The following SPIN1 variants were observed in gnomAD, a reference collection of about 807,000 sequenced individuals.
SPIN1 encodes spindlin-1.
A neutral mutation model predicts 26.0 loss-of-function variants in SPIN1; 3 were observed. The ratio of observed to expected loss-of-function variants is 0.12; its 90% confidence interval spans 0.05 to 0.30. The LOEUF (loss-of-function observed/expected upper bound fraction) is 0.30. Ranked by LOEUF, SPIN1 falls within the 10% of genes least tolerant of loss-of-function variation. SPIN1 has a pLI of 1.00. For synonymous variants in SPIN1, 101 were observed against 116.5 expected, an observed-to-expected ratio of 0.87 and a Z score of 0.86; for missense variants, 126 against 333.4, an observed-to-expected ratio of 0.38 and a Z score of 4.84.
intron 1 of SPIN1, among the ~76,000 whole-genome samples, chr9:88,424,549 G>GA (rs1827730906): frequency 6.6e-6 from 1 of 152,150 alleles, no homozygotes. Context: ...AATAATAAGG[G>GA]AAGTTAGTCC....
intron 2 of SPIN1, among the ~76,000 whole-genome samples, chr9:88,442,022 G>T (rs1828144688): frequency 6.7e-6 from 1 of 148,640 alleles, no homozygotes; most frequent in Non-Finnish European, 1.5e-5. Flanking sequence ...TGTGATGTCG[G>T]CTCACTGCAA....
chr9:88,399,674 G>T (rs942066724), intron 1 of SPIN1, among the ~76,000 whole-genome samples: 9 of 152,160 alleles, frequency 5.9e-5, no homozygotes, highest in Non-Finnish European at 1.3e-4. Flanking sequence ...GTGTGTGCAA[G>T]CTGCAGGGTG....
chr9:88,463,788 G>A (rs940264391), intron 4 of SPIN1, among the ~76,000 whole-genome samples: 49 of 152,074 alleles, frequency 3.2e-4, no homozygotes, highest in African/African-American at 1.2e-3. Flanking sequence ...GTAATATTAA[G>A]TCTTTGTTAT....
At chr9:88,445,688 G>T (rs1447149415) in intron 2 of SPIN1, among the ~76,000 whole-genome samples, 1 of 151,370 alleles carries the variant, frequency 6.6e-6, no homozygotes, top group Non-Finnish European at 1.5e-5. Flanking sequence ...CCACCACTAT[G>T]CCCAGCTTTT....
chr9:88,478,398 G>T lies in SPIN1; in HGVS notation c.*3121G>T, dbSNP rs1171233030. The T allele has an allele frequency of 6.6e-6, 1 of 152,626 alleles. No individual in the cohort carries two copies. The highest frequency in any genetic ancestry group is 2.4e-5 in the African/African-American group (1 of 41,456). 9.5% of individuals were successfully genotyped at this position (152,626 alleles called of 1,614,324 possible). ...AATAATTATGGTTGAAATGTCTGTG[G>T]TTCCTTGGAAATGCTGCGCTCTTTG... On this transcript the variant is annotated 3_prime_UTR_variant, in exon 6 of 6. Transcript: ENST00000375859.
chr9:88,444,076 C>T (rs1318693597), intron 2 of SPIN1, among the ~76,000 whole-genome samples: 1 of 151,952 alleles, frequency 6.6e-6, no homozygotes, highest in African/African-American at 2.4e-5. Context: ...GTCTTGTGAC[C>T]TCAATTCTCT....
chr9:88,419,500 C>G (rs1284091621), intron 1 of SPIN1, among the ~76,000 whole-genome samples: 1 of 151,994 alleles, frequency 6.6e-6, no homozygotes, highest in Admixed American at 6.6e-5. Context: ...AGTAAATTGC[C>G]TTGCTGAGAA....
At chr9:88,448,580 C>T (rs542177334) in intron 2 of SPIN1, among the ~76,000 whole-genome samples, 1 of 152,232 alleles carries the variant, frequency 6.6e-6, no homozygotes, top group Non-Finnish European at 1.5e-5. Flanking sequence ...AACTCCTGGC[C>T]TCAGCCACCC....
chr9:88,398,458 C>T (rs1235770840), intron 1 of SPIN1, among the ~76,000 whole-genome samples: 1 of 152,082 alleles, frequency 6.6e-6, no homozygotes, highest in Non-Finnish European at 1.5e-5. Context: ...AGGGCTCAAG[C>T]TACCCTGTGC....
rs527738660 is a variant in SPIN1 at position 88,444,740 on chromosome 9, G to T, written c.53-4201G>T. Among the ~76,000 whole-genome samples, 39 of 146,650 alleles carry T rather than the reference G, an allele frequency of 2.7e-4. No individual in the cohort carries two copies. The South Asian group carries it at 7.1e-3, about 27-fold the overall frequency. On this transcript the variant is annotated intron_variant, in intron 2 of 5. Transcript: ENST00000375859. ...GAGTCTTGCTCTGTCGCCCAGGCTG[G>T]AGTGCAGTGGCATGATCTTGGCTCA...
At chr9:88,397,957 A>G (rs1827101521) in intron 1 of SPIN1, among the ~76,000 whole-genome samples, 1 of 151,022 alleles carries the variant, frequency 6.6e-6, no homozygotes, top group South Asian at 2.1e-4. Context: ...GTCTCACTCC[A>G]GTTGCCTAGG....
intron 3 of SPIN1, among the ~76,000 whole-genome samples, chr9:88,453,478 A>G (rs566985486): frequency 5.3e-5 from 8 of 151,570 alleles, no homozygotes; most frequent in African/African-American, 1.9e-4. Context: ...TCTTCAGAGG[A>G]TTCACATGCA....
chr9:88,398,055 T>C (rs1827104802), intron 1 of SPIN1, among the ~76,000 whole-genome samples: 1 of 151,834 alleles, frequency 6.6e-6, no homozygotes, highest in Non-Finnish European at 1.5e-5. Flanking sequence ...CCCGCGTAGC[T>C]GAGACTACAG....
intron 1 of SPIN1, among the ~76,000 whole-genome samples, chr9:88,409,215 G>C (rs1827385260): frequency 7.0e-6 from 1 of 143,494 alleles, no homozygotes; most frequent in Non-Finnish European, 1.5e-5. Flanking sequence ...GGCTGGTCTC[G>C]AACTCCTGAC....
At chr9:88,397,653 G>C (rs1827096226) in intron 1 of SPIN1, among the ~76,000 whole-genome samples, 2 of 149,752 alleles carry the variant, frequency 1.3e-5, no homozygotes, top group South Asian at 2.1e-4. Context: ...CCCCAGTCTT[G>C]CTCTGTCTCC....
Position 88,438,884 on chromosome 9 carries a change from A to G in SPIN1, c.53-10057A>G, listed in dbSNP as rs146889292. ...TTATTGGAGGACTAGAGCAGGGTGC[A>G]TTTGTAACACAACAAGAAACCATGT... On this transcript the variant is annotated intron_variant, in intron 2 of 5. Transcript: ENST00000375859. 3.9e-5 allele frequency among the ~76,000 whole-genome samples: 6 copies of G among 152,316 alleles called. No individual in the cohort carries two copies. In the East Asian group the frequency reaches 9.6e-4, roughly 24 times the overall value.
intron 2 of SPIN1, among the ~76,000 whole-genome samples, chr9:88,431,274 T>TTCTC (rs972578412): frequency 1.3e-5 from 2 of 151,442 alleles, no homozygotes; most frequent in African/African-American, 4.9e-5. Flanking sequence ...TAACAAATAT[T>TTCTC]TCTCTCTCTC....
chr9:88,474,653 A>G (rs1216568978), intron 5 of SPIN1, among the ~76,000 whole-genome samples: 1 of 152,214 alleles, frequency 6.6e-6, no homozygotes, highest in Non-Finnish European at 1.5e-5. Context: ...TTATATTTCA[A>G]AGCCACTCAA....
Position 88,460,826 on chromosome 9 carries a change from G to A in SPIN1, c.102-1670G>A, listed in dbSNP as rs189851357. Among the ~76,000 whole-genome samples the A allele has an allele frequency of 2.6e-3, 401 of 152,274 alleles. 5 individuals are homozygous for A. Among genetic ancestry groups the A allele is most frequent in the Middle Eastern group, 6.8e-3 (2 of 294 alleles). On this transcript the variant is annotated intron_variant, in intron 3 of 5. Transcript: ENST00000375859. ...GATTCAGATGCACAGACACACCCAC[G>A]AACAGTGTTTAATCTAGGCACTCTG...
Sources: gnomAD v4.1 joint callset for allele counts (sites outside exome capture counted in the v4.1 genomes callset) on GRCh38, gnomAD v4.1.1 for gene constraint, MANE v1.5 for transcripts, NCBI Gene and HGNC (gene_info 2026-07-23, HGNC 2026-07-21) for gene names.